PROM1: variants seen among roughly 807,000 people sequenced by gnomAD.
PROM1 encodes prominin-1.
PROM1 carries 105 observed loss-of-function variants against 116.9 expected under a neutral mutation model. That is an observed-to-expected ratio of 0.90 (90% CI 0.77 to 1.06). The LOEUF is 1.06. PROM1 is among the 50% of genes least tolerant of loss of function. The pLI is 0.00. For missense variants in PROM1, 1,122 were observed against 1,045.2 expected (o/e 1.07, Z -1.01); for synonymous variants, 393 against 387.0 (o/e 1.02, Z -0.18).
chr4:16,004,386 T>A (rs1203690476), intron 13 of PROM1, among the ~76,000 whole-genome samples: 1 of 152,254 alleles, frequency 6.6e-6, no homozygotes, highest in Non-Finnish European at 1.5e-5. Flanking sequence ...AATTTGTTGA[T>A]GATTTCTCTG....
chr4:15,991,610 T>TA (rs1004684319), intron 17 of PROM1, among the ~76,000 whole-genome samples: 2 of 150,904 alleles, frequency 1.3e-5, no homozygotes, highest in African/African-American at 4.9e-5. Flanking sequence ...TTTTTTTTTT[T>TA]ACTACCCAGA....
chr4:16,024,958 A>G (rs547651005), intron 6 of PROM1, among the ~76,000 whole-genome samples: 1 of 152,308 alleles, frequency 6.6e-6, no homozygotes, highest in Non-Finnish European at 1.5e-5. Context: ...ATGTACTGTA[A>G]TGTTAAGTTA....
chr4:15,983,694 TG>T (rs1460679520), intron 23 of PROM1, among the ~76,000 whole-genome samples: 1 of 152,064 alleles, frequency 6.6e-6, no homozygotes, highest in South Asian at 2.1e-4. Context: ...AGATCTGGAA[TG>T]GGGAGGCTCA....
chr4:16,001,528 T>C (rs13141429), intron 13 of PROM1, among the ~76,000 whole-genome samples: 53,514 of 152,036 alleles, frequency 0.35, 11,424 homozygotes, highest in Non-Finnish European at 0.48. Flanking sequence ...CAGACCAAGA[T>C]GATGAGGCAG....
intron 5 of PROM1, among the ~76,000 whole-genome samples, chr4:16,027,227 T>A (rs1354321038): frequency 2.0e-5 from 3 of 152,044 alleles, no homozygotes; most frequent in African/African-American, 7.2e-5. Context: ...ATAAGAGTTA[T>A]GAAATCAGGC....
chr4:15,996,877 C>CT (rs1481162243), intron 15 of PROM1, among the ~76,000 whole-genome samples: 1 of 152,034 alleles, frequency 6.6e-6, no homozygotes, highest in Non-Finnish European at 1.5e-5. Flanking sequence ...TTCTGTGTCT[C>CT]TGACTTATGA....
intron 10 of PROM1, among the ~76,000 whole-genome samples, chr4:16,014,422 C>T (rs539947131): frequency 2.6e-5 from 4 of 152,198 alleles, no homozygotes; most frequent in Non-Finnish European, 2.9e-5. Context: ...ACAGATCTCC[C>T]GGTTCAATGC....
intron 24 of PROM1, 101 bp downstream of exon 24, chr4:15,980,317 AAAAG>A: frequency 1.1e-6 from 1 of 882,466 alleles, no homozygotes; most frequent in African/African-American, 1.7e-5. Flanking sequence ...AAAAAAAAAA[AAAAG>A]AAATCAACTT....
chr4:15,998,405 G>T lies in PROM1; in HGVS notation c.1662C>A (p.Leu554=). The change falls in exon 15 of 28, where the codon CTC becomes CTA. Residue 554 remains leucine (L), a synonymous_variant. Coordinates refer to ENST00000447510, the MANE Select transcript of PROM1 (RefSeq NM_006017.3). ...GATACCTGTAAACTTGTTCAAAAGT[G>T]AGCTTCATTTTTGATTTATTAAATA... The part of the protein sequence containing the change: ...GKLFNKSKMK[L]TFEQVYSDCK... The T allele has an allele frequency of 6.2e-7, 1 of 1,603,318 alleles. No individual in the cohort carries two copies.
intron 7 of PROM1, 38 bp from the exon 8 acceptor site, chr4:16,023,453 T>G: frequency 1.4e-6 from 2 of 1,448,918 alleles, no homozygotes; most frequent in Non-Finnish European, 1.9e-6. Context: ...GAGGGTGGCC[T>G]CTGCTCATCT....
chr4:16,067,860 G>A (rs530434821), intron 2 of PROM1, among the ~76,000 whole-genome samples: 3 of 152,232 alleles, frequency 2.0e-5, no homozygotes, highest in East Asian at 3.9e-4. Flanking sequence ...AGACGACCCC[G>A]GCCACGTGAC....
intron 26 of PROM1, among the ~76,000 whole-genome samples, chr4:15,973,716 T>C (rs1715286526): frequency 6.6e-6 from 1 of 152,200 alleles, no homozygotes; most frequent in Non-Finnish European, 1.5e-5. Flanking sequence ...GGAAAAATAA[T>C]CAAATTTTTC....
At chr4:16,027,217 A>G (rs1173616182) in intron 5 of PROM1, among the ~76,000 whole-genome samples, 1 of 152,138 alleles carries the variant, frequency 6.6e-6, no homozygotes, top group African/African-American at 2.4e-5. Flanking sequence ...CACTACAGCA[A>G]TAAGAGTTAT....
intron 4 of PROM1, 77 bp from the exon 5 acceptor site, chr4:16,033,586 CTTTTTTT>C (rs60492380): frequency 4.8e-5 from 13 of 272,880 alleles, no homozygotes; most frequent in Admixed American, 1.4e-4. Context: ...GTACAAAGTT[CTTTTTTT>C]TTTTTTTTTT....
At position 15,992,353 on chromosome 4, in the gene PROM1, C is replaced by T. The variant is rs763281224; in HGVS notation, c.1806G>A (p.Lys602=). 4.3e-6 allele frequency: 7 copies of T among 1,613,744 alleles called. No homozygotes were observed. In the African/African-American group the frequency reaches 9.3e-5, roughly 22 times the overall value. ...GSISSELESL[K]VNLNIFLLGA... Reference sequence around the variant, plus strand: ...CCAACAGAAAGATATTAAGATTTACCTTCAGACTTTCCAATTCACTGCTTA... The same window carrying T: ...CCAACAGAAAGATATTAAGATTTACTTTCAGACTTTCCAATTCACTGCTTA... The change falls in exon 17 of 28, where the codon AAG becomes AAA. Residue 602 remains lysine, a synonymous_variant. Coordinates refer to ENST00000447510, the MANE Select transcript of PROM1 (RefSeq NM_006017.3).
At chr4:16,070,263 A>T (rs529591799) in intron 2 of PROM1, among the ~76,000 whole-genome samples, 3 of 152,274 alleles carry the variant, frequency 2.0e-5, no homozygotes, top group African/African-American at 7.2e-5. Flanking sequence ...GACTTATTTC[A>T]TCTCAAATCC....
intron 24 of PROM1, 84 bp from the exon 25 acceptor site, chr4:15,979,988 C>A: frequency 4.8e-6 from 4 of 826,754 alleles, no homozygotes; most frequent in Non-Finnish European, 7.5e-6. Flanking sequence ...AATATTTACT[C>A]TAACACGGAT....
chr4:16,064,684 C>T (rs769927747), intron 2 of PROM1, among the ~76,000 whole-genome samples: 10 of 152,086 alleles, frequency 6.6e-5, no homozygotes, highest in Non-Finnish European at 1.2e-4. Flanking sequence ...CCTGAGGTCA[C>T]GAGTTCGAGA....
chr4:16,006,963 T>G (rs115404297), intron 12 of PROM1, among the ~76,000 whole-genome samples: 482 of 152,260 alleles, frequency 3.2e-3, no homozygotes, highest in Non-Finnish European at 5.3e-3. Context: ...TTGCTTTGAT[T>G]CCCACGGGTG....
Sources: gnomAD v4.1 joint callset for allele counts (sites outside exome capture counted in the v4.1 genomes callset) on GRCh38, gnomAD v4.1.1 for gene constraint, MANE v1.5 for transcripts, NCBI Gene and HGNC (gene_info 2026-07-23, HGNC 2026-07-21) for gene names.